HVCN1: variants seen among roughly 807,000 people sequenced by gnomAD.
HVCN1 encodes voltage-gated hydrogen channel 1.
Under a neutral mutation model 29.2 loss-of-function variants are expected in HVCN1, and 14 were observed. The ratio of observed to expected loss-of-function variants is 0.48; its 90% CI spans 0.32 to 0.75. The LOEUF is 0.75. Ranked by LOEUF, HVCN1 falls within the 30% of genes least tolerant of loss-of-function variation. The pLI, the probability that HVCN1 is intolerant of heterozygous loss-of-function variation, is 0.04. For synonymous variants in HVCN1, 131 were observed against 133.2 expected (o/e 0.98, Z 0.11); for missense variants, 263 against 341.8 (o/e 0.77, Z 1.82).
At chr12:110,682,988 C>A in intron 3 of HVCN1, 1 of 466,686 alleles carries the variant, frequency 2.1e-6, no homozygotes, top group South Asian at 2.6e-5. Context: ...CAAAAAAAAC[C>A]GCACATAGTT....
chr12:110,681,324 C>A (rs960201219), intron 3 of HVCN1, among the ~76,000 whole-genome samples: 11 of 152,018 alleles, frequency 7.2e-5, no homozygotes, highest in African/African-American at 2.2e-4. Flanking sequence ...GTTCTTTTCC[C>A]ATAAGTGAGA....
chr12:110,668,139 G>A (rs898916854), intron 3 of HVCN1, among the ~76,000 whole-genome samples: 30 of 152,068 alleles, frequency 2.0e-4, no homozygotes, highest in African/African-American at 7.3e-4. Flanking sequence ...GGCGTACAGA[G>A]CACCTGCCTC....
chr12:110,650,347 ATTC>A, intron 6 of HVCN1, 67 bp from the exon 7 acceptor site: 2 of 935,700 alleles, frequency 2.1e-6, no homozygotes, highest in South Asian at 2.7e-5. Flanking sequence ...AAAAATCTGT[ATTC>A]TTACACCTGT....
chr12:110,692,814 G>C (rs1566070127), upstream of HVCN1, among the ~76,000 whole-genome samples: 1 of 152,156 alleles, frequency 6.6e-6, no homozygotes, highest in East Asian at 1.9e-4. Flanking sequence ...TATTAACTTG[G>C]GTGGGAAAAA....
Position 110,666,273 on chromosome 12 carries a change from A to T in HVCN1, c.22-4825T>A, listed in dbSNP as rs545162517. 1.1e-4 allele frequency among the ~76,000 whole-genome samples: 17 copies of T among 151,380 alleles called. No homozygotes were observed. The East Asian group carries it at 1.8e-3, about 16-fold the overall frequency. On this transcript the variant is annotated intron_variant, in intron 3 of 7. Transcript: ENST00000242607. ...CTCTACTAAAAAAAAATACAAAAAAATTAGCCAGGCATAGTGGCCAGCGCC... is the reference window on the plus strand; with the variant it reads ...CTCTACTAAAAAAAAATACAAAAAATTTAGCCAGGCATAGTGGCCAGCGCC...
chr12:110,678,148 C>G lies in HVCN1; in HGVS notation c.21+5077G>C, dbSNP rs2068809318. On this transcript the variant is annotated intron_variant, in intron 3 of 7. Transcript: ENST00000242607. ...AAACTGAGAACAGAGAGGCCAGTGA[C>G]TTGCCCCAGGTCACACAGCCAGCGA... is the stretch of plus-strand genomic sequence containing the variant. 4.6e-5 allele frequency among the ~76,000 whole-genome samples: 7 copies of G among 152,330 alleles called. No individual in the cohort carries two copies. The South Asian group carries it at 1.5e-3, about 32-fold the overall frequency.
chr12:110,650,391 C>T (rs982014321), intron 6 of HVCN1, 111 bp from the exon 7 acceptor site: 18 of 653,618 alleles, frequency 2.8e-5, no homozygotes, highest in Non-Finnish European at 3.6e-5. Context: ...GACAGACACG[C>T]GAGACAGTCA....
chr12:110,661,298 G>A lies in HVCN1; in HGVS notation c.172C>T (p.Pro58Ser). ...EEEEEEEEQP[P>S]PTPVSGEEGR... The stretch of plus-strand genomic sequence containing the variant: ...TCCTCGCCTGAGACTGGTGTGGGTG[G>A]TGGCTGCTCCTCCTCCTCCTCCTCC... Residue 58 changes from proline to serine, a missense_variant, in exon 4 of 8, where the codon CCA (proline) becomes TCA (serine). Pro to Ser is a moderately conservative substitution (Grantham distance 74, BLOSUM62 -1). This residue lies in a region of HVCN1 where 157 missense variants were observed against 181.3 expected (regional missense o/e 0.87). Transcript: ENST00000242607. The surrounding 1 kb of genome is among the most constrained non-coding windows in gnomAD (Gnocchi z 6.2). 3 of 1,614,204 alleles carry A rather than the reference G, an allele frequency of 1.9e-6. No individual in the cohort carries two copies. The highest frequency in any genetic ancestry group is 2.5e-6 in the Non-Finnish European group (3 of 1,180,020).
chr12:110,695,005 G>C (rs902367718), intron 2 of HVCN1, among the ~76,000 whole-genome samples: 1 of 152,240 alleles, frequency 6.6e-6, no homozygotes, highest in Non-Finnish European at 1.5e-5. Flanking sequence ...CTATGTGCTA[G>C]GCAGAGAACA....
intron 6 of HVCN1, 124 bp downstream of exon 6, chr12:110,651,093 G>C: frequency 1.5e-6 from 1 of 670,808 alleles, no homozygotes. Context: ...AGGGGGCAGA[G>C]GGGAGGCCTC....
chr12:110,650,159 C>T lies in HVCN1; in HGVS notation c.756+9G>A. 6.3e-7 allele frequency: 1 copy of T among 1,587,268 alleles called. No homozygotes were observed. The highest frequency in any genetic ancestry group is 8.7e-7 in the Non-Finnish European group (1 of 1,155,790). ...CACGCCTGGTCCCCAGATGTGTCGT[C>T]TTTCTTACCTTCTCAGAGCAGCTGA... On this transcript the variant is annotated intron_variant, in intron 7 of 7. Coordinates refer to ENST00000242607, the MANE Select transcript of HVCN1 (RefSeq NM_032369.4).
chr12:110,659,463 C>G (rs1442250087), intron 4 of HVCN1, among the ~76,000 whole-genome samples: 2 of 152,216 alleles, frequency 1.3e-5, no homozygotes, highest in African/African-American at 4.8e-5. Context: ...AAATGCCCAC[C>G]TTTGAGAACT....
intron 2 of HVCN1, among the ~76,000 whole-genome samples, chr12:110,685,384 A>ATTGTG (rs2069140616): frequency 6.6e-6 from 1 of 152,228 alleles, no homozygotes. Flanking sequence ...CCTTGACTCG[A>ATTGTG]GCCCACTGAG....
chr12:110,660,489 C>A (rs1013120444), intron 4 of HVCN1, among the ~76,000 whole-genome samples: 1 of 152,236 alleles, frequency 6.6e-6, no homozygotes, highest in African/African-American at 2.4e-5. Flanking sequence ...GAGCCTCTGG[C>A]ACTGAGTGTT....
At chr12:110,659,395 T>C (rs937430856) in intron 4 of HVCN1, among the ~76,000 whole-genome samples, 1 of 152,242 alleles carries the variant, frequency 6.6e-6, no homozygotes, top group African/African-American at 2.4e-5. Flanking sequence ...TACATTTCTC[T>C]GCTTCCAGAA....
chr12:110,664,180 G>A (rs1037484264), intron 3 of HVCN1, among the ~76,000 whole-genome samples: 2 of 152,118 alleles, frequency 1.3e-5, no homozygotes, highest in Admixed American at 6.6e-5. Context: ...TCAGCTTCCC[G>A]AGTAGCTGGG....
At chr12:110,687,506 G>C (rs572581790) in intron 2 of HVCN1, among the ~76,000 whole-genome samples, 2 of 152,188 alleles carry the variant, frequency 1.3e-5, no homozygotes, top group African/African-American at 2.4e-5. Flanking sequence ...CAGTGGACAG[G>C]ACAGTGGCCA....
At chr12:110,699,236 C>T (rs1177599605) in intron 2 of HVCN1, among the ~76,000 whole-genome samples, 1 of 152,210 alleles carries the variant, frequency 6.6e-6, no homozygotes, top group African/African-American at 2.4e-5. Context: ...GCCCAGGGCA[C>T]ATTTCGTGTT....
chr12:110,696,490 G>A (rs2069493437), intron 2 of HVCN1, among the ~76,000 whole-genome samples: 1 of 151,828 alleles, frequency 6.6e-6, no homozygotes, highest in Non-Finnish European at 1.5e-5. Flanking sequence ...TGAGGCAGGA[G>A]GATTGCTTGA....
Sources: allele counts gnomAD v4.1 joint callset (sites outside exome capture counted in the v4.1 genomes callset), GRCh38; gene constraint gnomAD v4.1.1; regional missense constraint gnomAD v4.1.1; non-coding constraint Gnocchi (gnomAD v3.1); transcripts MANE v1.5; gene names NCBI Gene and HGNC (gene_info 2026-07-23, HGNC 2026-07-21).